CERS6: variants seen among roughly 807,000 people sequenced by gnomAD.
CERS6 encodes ceramide synthase 6, also known as LAG1 homolog, ceramide synthase 6.
In CERS6, 26 loss-of-function variants were observed where a neutral mutation model predicts 56.8. That is an observed-to-expected ratio of 0.46 (90% CI 0.34 to 0.63). The LOEUF (loss-of-function observed/expected upper bound fraction) is 0.63. Among genes scored for constraint, CERS6 ranks in the 30% least tolerant of loss-of-function variants. The probability of loss-of-function intolerance (pLI) is 0.01; values close to 1 mark genes in which losing one functional copy is unlikely to be tolerated. For synonymous variants in CERS6, 164 were observed against 173.3 expected, an observed-to-expected ratio of 0.95 and a Z score of 0.42; for missense variants, 415 against 467.5, an observed-to-expected ratio of 0.89 and a Z score of 1.04.
intron 1 of CERS6, among the ~76,000 whole-genome samples, chr2:168,492,461 GGTT>G (rs1292839424): frequency 6.6e-6 from 1 of 152,012 alleles, no homozygotes; most frequent in Non-Finnish European, 1.5e-5. Flanking sequence ...TTTTTGATGG[GGTT>G]GTTTTTTTCT....
At chr2:168,727,268 G>T (rs1017160122) in intron 8 of CERS6, among the ~76,000 whole-genome samples, 5 of 151,914 alleles carry the variant, frequency 3.3e-5, no homozygotes, top group African/African-American at 9.7e-5. Context: ...AAAACAAGTT[G>T]ACTGGGCATG....
chr2:168,725,179 C>G (rs546129705), intron 8 of CERS6, among the ~76,000 whole-genome samples: 1 of 152,366 alleles, frequency 6.6e-6, no homozygotes, highest in East Asian at 1.9e-4. Context: ...GCAGGGCCGG[C>G]CGGCTGCTTC....
At chr2:168,529,295 G>T (rs529185699) in intron 1 of CERS6, among the ~76,000 whole-genome samples, 3 of 152,264 alleles carry the variant, frequency 2.0e-5, no homozygotes, top group East Asian at 3.9e-4. Context: ...AGATTCTTCT[G>T]GGGGGAGTTT....
At chr2:168,765,443 C>G (rs1037988636) in intron 8 of CERS6, 149 bp from the exon 9 acceptor site, 10 of 636,526 alleles carry the variant, frequency 1.6e-5, no homozygotes, top group African/African-American at 7.5e-5. Context: ...AATGACATTT[C>G]TAAGTACCTG....
intron 3 of CERS6, among the ~76,000 whole-genome samples, chr2:168,579,947 A>T (rs529704380): frequency 4.1e-4 from 62 of 152,072 alleles, no homozygotes; most frequent in Non-Finnish European, 8.4e-4. Context: ...GTGCCCCCCA[A>T]TCCATAGTCC....
At chr2:168,517,863 C>G (rs569308859) in intron 1 of CERS6, among the ~76,000 whole-genome samples, 1 of 152,188 alleles carries the variant, frequency 6.6e-6, no homozygotes, top group East Asian at 1.9e-4. Context: ...GAAAGTATTC[C>G]TTTCATATTT....
At chr2:168,721,561 TTTTTG>T (rs1559067126) in intron 8 of CERS6, among the ~76,000 whole-genome samples, 5 of 26,908 alleles carry the variant, frequency 1.9e-4, no homozygotes, top group South Asian at 1.2e-3. Flanking sequence ...TTTGTTTTTT[TTTTTG>T]TTTAAAAAAA....
intron 1 of CERS6, among the ~76,000 whole-genome samples, chr2:168,488,928 T>C (rs1694320682): frequency 6.6e-6 from 1 of 152,230 alleles, no homozygotes; most frequent in South Asian, 2.1e-4. Context: ...CATTTTGCTT[T>C]CAGCAATCAT....
chr2:168,654,335 G>A (rs1685417363), intron 4 of CERS6, among the ~76,000 whole-genome samples: 1 of 152,054 alleles, frequency 6.6e-6, no homozygotes, highest in Non-Finnish European at 1.5e-5. Context: ...GATCACCTGA[G>A]GAGTTCGAGA....
At chr2:168,507,659 G>A (rs1362130666) in intron 1 of CERS6, among the ~76,000 whole-genome samples, 1 of 152,006 alleles carries the variant, frequency 6.6e-6, no homozygotes. Flanking sequence ...GTCTTCCAAG[G>A]TTTTGCCAAC....
intron 3 of CERS6, among the ~76,000 whole-genome samples, chr2:168,590,867 T>G (rs1683654340): frequency 6.6e-6 from 1 of 152,208 alleles, no homozygotes; most frequent in South Asian, 2.1e-4. Flanking sequence ...AGCCCATAGC[T>G]AGGAAGGTGA....
chr2:168,622,181 T>G (rs1433313132), intron 3 of CERS6, among the ~76,000 whole-genome samples: 1 of 152,224 alleles, frequency 6.6e-6, no homozygotes, highest in Non-Finnish European at 1.5e-5. Context: ...TCTTTTGGCT[T>G]CCCTGGGCCA....
At chr2:168,616,754 A>G (rs1469813427) in intron 3 of CERS6, among the ~76,000 whole-genome samples, 2 of 152,216 alleles carry the variant, frequency 1.3e-5, no homozygotes, top group Non-Finnish European at 2.9e-5. Flanking sequence ...TACTAGACCT[A>G]AGAAACGAGA....
At chr2:168,631,064 TACATGATTCTTATGTA>T (rs1180936301) in intron 4 of CERS6, 22 bp downstream of exon 4, 17 of 1,297,146 alleles carry the variant, frequency 1.3e-5, no homozygotes, top group African/African-American at 4.6e-5. Flanking sequence ...CAAACTATTT[TACATGATTCTTATGTA>T]AGTGTATGTC....
At chr2:168,486,040 T>C (rs1006480790) in intron 1 of CERS6, among the ~76,000 whole-genome samples, 6 of 152,190 alleles carry the variant, frequency 3.9e-5, no homozygotes, top group African/African-American at 1.4e-4. Context: ...GTATTTTAGA[T>C]CTTAGCTTAT....
chr2:168,595,378 A>T (rs939274584), intron 3 of CERS6, among the ~76,000 whole-genome samples: 1 of 152,156 alleles, frequency 6.6e-6, no homozygotes, highest in Non-Finnish European at 1.5e-5. Flanking sequence ...CTTCCCTTTC[A>T]TGTGGTTTTT....
At chr2:168,616,705 G>A (rs1292025083) in intron 3 of CERS6, among the ~76,000 whole-genome samples, 1 of 152,114 alleles carries the variant, frequency 6.6e-6, no homozygotes, top group African/African-American at 2.4e-5. Context: ...AAATATTTAT[G>A]CACCTTACAC....
chr2:168,536,707 T>C (rs1695270470), intron 1 of CERS6, among the ~76,000 whole-genome samples: 1 of 152,214 alleles, frequency 6.6e-6, no homozygotes, highest in Admixed American at 6.5e-5. Flanking sequence ...TAGTATGATG[T>C]AATTTTGTTT....
chr2:168,699,546 C>T (rs1031382527), intron 6 of CERS6, among the ~76,000 whole-genome samples: 5 of 152,074 alleles, frequency 3.3e-5, no homozygotes, highest in South Asian at 4.1e-4. Flanking sequence ...ATTGGGTTCA[C>T]GAATTTTTCT....
Sources: gnomAD v4.1 joint callset for allele counts (sites outside exome capture counted in the v4.1 genomes callset) on GRCh38, gnomAD v4.1.1 for gene constraint, MANE v1.5 for transcripts, NCBI Gene and HGNC (gene_info 2026-07-23, HGNC 2026-07-21) for gene names.